The following SHROOM3 variants were observed in gnomAD, a reference collection of about 807,000 sequenced individuals.
The protein encoded by SHROOM3 is shroom family member 3.
A neutral mutation model predicts 138.6 loss-of-function variants in SHROOM3; 47 were observed. The ratio of observed to expected loss-of-function variants is 0.34; its 90% CI spans 0.27 to 0.43. The LOEUF is 0.43. Among genes scored for constraint, SHROOM3 ranks in the 20% least tolerant of loss-of-function variants. The pLI is 1.00. For missense variants in SHROOM3, 2,491 were observed against 2,596.5 expected (o/e 0.96, Z 0.88); for synonymous variants, 1,062 against 1,063.3 (o/e 1.00, Z 0.02).
At chr4:76,486,747 C>T (rs1731739550) in intron 1 of SHROOM3, among the ~76,000 whole-genome samples, 1 of 152,028 alleles carries the variant, frequency 6.6e-6, no homozygotes, top group South Asian at 2.1e-4. Flanking sequence ...AATCTCAGCC[C>T]TAGTGGTAAT....
At position 76,730,936 on chromosome 4, in the gene SHROOM3, G is replaced by GT. The variant is rs1720855513; in HGVS notation, c.587+2dup. On this transcript the variant is annotated splice_donor_variant, in intron 4 of 10. Transcript: ENST00000296043. LOFTEE classifies it high-confidence loss of function. ...CTTGGCACCAAAGCTACCATTCCAG[G>GT]TAAGTGGCTATAGCTGAGACTGAAG... 4 of 1,613,900 alleles carry GT rather than the reference G, an allele frequency of 2.5e-6. No homozygotes were observed. Among genetic ancestry groups the GT allele is most frequent in the Non-Finnish European group, 3.4e-6 (4 of 1,179,976 alleles).
At chr4:76,632,220 C>T (rs1017309827) in intron 2 of SHROOM3, among the ~76,000 whole-genome samples, 15 of 151,928 alleles carry the variant, frequency 9.9e-5, no homozygotes, top group African/African-American at 3.6e-4. Flanking sequence ...GAGAGAGAGC[C>T]AGAGAGAGAA....
At chr4:76,586,234 C>T in intron 2 of SHROOM3, 1 of 985,218 alleles carries the variant, frequency 1.0e-6, no homozygotes, top group Non-Finnish European at 1.2e-6. Context: ...CTAATCAGGG[C>T]AGCCCAGGTT....
intron 1 of SHROOM3, among the ~76,000 whole-genome samples, chr4:76,469,439 T>C (rs1186267162): frequency 2.0e-5 from 3 of 151,960 alleles, no homozygotes; most frequent in East Asian, 1.9e-4. Context: ...TCATTTCCTG[T>C]TTTTTCTTTT....
chr4:76,541,833 T>G (rs1327202266), intron 1 of SHROOM3, among the ~76,000 whole-genome samples: 1 of 152,166 alleles, frequency 6.6e-6, no homozygotes, highest in Non-Finnish European at 1.5e-5. Context: ...AGACTCAATT[T>G]GGAGTGCAGC....
intron 1 of SHROOM3, among the ~76,000 whole-genome samples, chr4:76,529,043 T>C (rs1294144331): frequency 6.6e-6 from 1 of 152,196 alleles, no homozygotes; most frequent in African/African-American, 2.4e-5. Flanking sequence ...AGTCTAAACT[T>C]GCCCCGGTCT....
intron 2 of SHROOM3, among the ~76,000 whole-genome samples, chr4:76,611,248 C>CTG (rs999950564): frequency 2.7e-5 from 4 of 149,930 alleles, no homozygotes; most frequent in African/African-American, 1.0e-4. Flanking sequence ...CGCCCTCTCT[C>CTG]TGTGTCTCTC....
intron 2 of SHROOM3, among the ~76,000 whole-genome samples, chr4:76,571,513 A>T (rs1438569733): frequency 6.6e-6 from 1 of 152,258 alleles, no homozygotes; most frequent in Non-Finnish European, 1.5e-5. Flanking sequence ...CTCATTTGAC[A>T]TTAGCAAGTT....
intron 1 of SHROOM3, among the ~76,000 whole-genome samples, chr4:76,503,186 C>CACACACACACACACACAT (rs1180500326): frequency 6.6e-6 from 1 of 152,062 alleles, no homozygotes; most frequent in East Asian, 1.9e-4. Context: ...CACACACACA[C>CACACACACACACACACAT]ACACACACAC....
At chr4:76,717,645 A>T (rs575086473) in intron 3 of SHROOM3, among the ~76,000 whole-genome samples, 1 of 152,212 alleles carries the variant, frequency 6.6e-6, no homozygotes, top group East Asian at 1.9e-4. Flanking sequence ...GGGCAGGGGT[A>T]TGGGCAAGGA....
chr4:76,686,978 G>A (rs1338559973), intron 2 of SHROOM3, among the ~76,000 whole-genome samples: 1 of 152,116 alleles, frequency 6.6e-6, no homozygotes, highest in Non-Finnish European at 1.5e-5. Flanking sequence ...GGACCATGTT[G>A]GGGACTTATT....
intron 1 of SHROOM3, among the ~76,000 whole-genome samples, chr4:76,529,811 G>A (rs985903024): frequency 6.6e-5 from 10 of 152,236 alleles, no homozygotes; most frequent in Admixed American, 1.3e-4. Context: ...TTTAAAAATC[G>A]TCACTGTCTA....
At chr4:76,724,748 T>G (rs1720650542) in intron 3 of SHROOM3, among the ~76,000 whole-genome samples, 1 of 152,226 alleles carries the variant, frequency 6.6e-6, no homozygotes, top group South Asian at 2.1e-4. Context: ...TATTTCCATA[T>G]CAGTATGTAT....
intron 2 of SHROOM3, among the ~76,000 whole-genome samples, chr4:76,695,217 T>C (rs1719689319): frequency 6.6e-6 from 1 of 152,158 alleles, no homozygotes; most frequent in South Asian, 2.1e-4. Context: ...TCCCAGCCCC[T>C]CACAAGTCCA....
chr4:76,663,212 T>C (rs1718590992), intron 2 of SHROOM3, among the ~76,000 whole-genome samples: 1 of 152,138 alleles, frequency 6.6e-6, no homozygotes, highest in Non-Finnish European at 1.5e-5. Flanking sequence ...AAAGTTATAC[T>C]TTGTCAGCTT....
At chr4:76,465,953 T>C (rs1731241183) in intron 1 of SHROOM3, among the ~76,000 whole-genome samples, 1 of 152,216 alleles carries the variant, frequency 6.6e-6, no homozygotes, top group Non-Finnish European at 1.5e-5. Context: ...CTTTTAAATA[T>C]AAAATTTTAA....
intron 10 of SHROOM3, among the ~76,000 whole-genome samples, chr4:76,773,373 GAAAA>G (rs574066208): frequency 1.2e-5 from 1 of 80,690 alleles, no homozygotes; most frequent in Non-Finnish European, 2.6e-5. Flanking sequence ...GACTGTCTCA[GAAAA>G]AAAAAAAAAA....
chr4:76,588,745 G>C (rs900152101), intron 2 of SHROOM3, among the ~76,000 whole-genome samples: 10 of 152,036 alleles, frequency 6.6e-5, no homozygotes, highest in Non-Finnish European at 2.9e-5. Context: ...AGCTGAGTTT[G>C]GGTAGCCCTA....
At chr4:76,467,954 C>G (rs1296132868) in intron 1 of SHROOM3, among the ~76,000 whole-genome samples, 3 of 152,104 alleles carry the variant, frequency 2.0e-5, no homozygotes, top group African/African-American at 7.2e-5. Flanking sequence ...TAAACTAGCT[C>G]CATTATTCTA....
Sources: allele counts gnomAD v4.1 joint callset (sites outside exome capture counted in the v4.1 genomes callset), GRCh38; gene constraint gnomAD v4.1.1; transcripts MANE v1.5; gene names NCBI Gene and HGNC (gene_info 2026-07-23, HGNC 2026-07-21).